FOCAD: variants seen among roughly 807,000 people sequenced by gnomAD.
FOCAD encodes the protein KIAA1797.
FOCAD carries 198 observed loss-of-function variants against 225.6 expected under a neutral mutation model. The ratio of observed to expected loss-of-function variants is 0.88; its 90% CI spans 0.78 to 0.99. The LOEUF is 0.99. FOCAD is among the 50% of genes least tolerant of loss of function. The probability of loss-of-function intolerance (pLI) is 0.00; values close to 1 mark genes in which losing one functional copy is unlikely to be tolerated. For missense variants in FOCAD, 2,713 were observed against 2,123.6 expected, an observed-to-expected ratio of 1.28 and a Z score of -5.46; for synonymous variants, 897 against 755.0, an observed-to-expected ratio of 1.19 and a Z score of -3.08.
At chr9:20,933,717 G>A (rs1428091041) in intron 28 of FOCAD, among the ~76,000 whole-genome samples, 2 of 152,076 alleles carry the variant, frequency 1.3e-5, no homozygotes, top group Non-Finnish European at 2.9e-5. Flanking sequence ...TTCTTTTCCT[G>A]TGAGTACATA....
At chr9:20,908,588 A>G (rs765955434) in intron 22 of FOCAD, among the ~76,000 whole-genome samples, 2 of 152,036 alleles carry the variant, frequency 1.3e-5, no homozygotes, top group Admixed American at 1.3e-4. Flanking sequence ...CATTTTAAAG[A>G]TGTTCCTTTG....
chr9:20,911,267 T>G lies in FOCAD; in HGVS notation c.2719-1599T>G, dbSNP rs574454663. On this transcript the variant is annotated intron_variant, in intron 22 of 43. Coordinates refer to ENST00000338382, the MANE Select transcript of FOCAD (RefSeq NM_001375567.1). ...ATTGATATGATTGAAGCAAATGAAC[T>G]ATGAAGGATGTGAATACAGTGTCCG... Among the ~76,000 whole-genome samples, 4 of 152,160 alleles carry G rather than the reference T, an allele frequency of 2.6e-5. No individual in the cohort carries two copies. In the South Asian group the frequency reaches 8.3e-4, roughly 32 times the overall value.
At chr9:20,693,374 C>T (rs1203324938) in intron 1 of FOCAD, among the ~76,000 whole-genome samples, 1 of 152,172 alleles carries the variant, frequency 6.6e-6, no homozygotes, top group Non-Finnish European at 1.5e-5. Context: ...ATAGAAACCT[C>T]TCTCTCTAAT....
intron 2 of FOCAD, among the ~76,000 whole-genome samples, chr9:20,667,755 G>A (rs1438639844): frequency 5.9e-5 from 9 of 151,942 alleles, no homozygotes; most frequent in Admixed American, 5.2e-4. Flanking sequence ...ATTATGCGTG[G>A]AAAACCTTGG....
intron 15 of FOCAD, among the ~76,000 whole-genome samples, chr9:20,859,194 G>T (rs1213061151): frequency 6.6e-6 from 1 of 152,084 alleles, no homozygotes; most frequent in East Asian, 1.9e-4. Flanking sequence ...GACTAACATG[G>T]TGAAACCCCG....
At chr9:20,949,279 G>A (rs940939345) in intron 32 of FOCAD, among the ~76,000 whole-genome samples, 1 of 151,742 alleles carries the variant, frequency 6.6e-6, no homozygotes, top group African/African-American at 2.4e-5. Flanking sequence ...TGTCTATGTG[G>A]TTGTTCTTTA....
chr9:20,886,318 G>C (rs1831100454), intron 21 of FOCAD, among the ~76,000 whole-genome samples: 1 of 152,134 alleles, frequency 6.6e-6, no homozygotes, highest in Non-Finnish European at 1.5e-5. Context: ...TCAGACATAG[G>C]TGATTTCTAT....
chr9:20,700,603 G>T (rs1053534012), intron 1 of FOCAD, among the ~76,000 whole-genome samples: 2 of 150,958 alleles, frequency 1.3e-5, no homozygotes, highest in Non-Finnish European at 3.0e-5. Context: ...AAATGTGTTG[G>T]TTACTAAATT....
intron 4 of FOCAD, among the ~76,000 whole-genome samples, chr9:20,732,522 G>A (rs1826798463): frequency 6.6e-6 from 1 of 152,194 alleles, no homozygotes. Flanking sequence ...GTGGGATTCA[G>A]ACAGTGCAGC....
chr9:20,741,798 G>C (rs1189715212), intron 5 of FOCAD, among the ~76,000 whole-genome samples: 6 of 145,874 alleles, frequency 4.1e-5, no homozygotes, highest in Non-Finnish European at 9.0e-5. Context: ...TAATATTTCT[G>C]AATAAACATC....
At chr9:20,888,013 T>C (rs1423520510) in intron 21 of FOCAD, among the ~76,000 whole-genome samples, 2 of 152,004 alleles carry the variant, frequency 1.3e-5, no homozygotes, top group African/African-American at 4.8e-5. Flanking sequence ...TTTGCTCTGA[T>C]CTTCTGCCCA....
At chr9:20,771,340 A>T (rs1232661018) in intron 8 of FOCAD, among the ~76,000 whole-genome samples, 1 of 152,196 alleles carries the variant, frequency 6.6e-6, no homozygotes, top group Admixed American at 6.5e-5. Flanking sequence ...TCATTTTTTA[A>T]TGTGTGGAAG....
chr9:20,992,973 AC>A (rs940870643), intron 42 of FOCAD, among the ~76,000 whole-genome samples: 1 of 151,128 alleles, frequency 6.6e-6, no homozygotes, highest in African/African-American at 2.4e-5. Context: ...AAAAAAAAAA[AC>A]TCCTGTATCA....
In FOCAD at chr9:20,840,507, TTTA is replaced by T. The variant is rs1410512392; in HGVS notation, c.1920+17400_1920+17402del. 2.6e-5 allele frequency among the ~76,000 whole-genome samples: 4 copies of T among 151,678 alleles called. No individual in the cohort carries two copies. The South Asian group carries it at 6.2e-4, about 24-fold the overall frequency. Reference sequence around the variant, plus strand: ...TTAAGTTTATACTTAGGTATTTTATTTTATTATTATAAGTATTTTAAGTGGAAT... The same window carrying T: ...TTAAGTTTATACTTAGGTATTTTATTTTATTATAAGTATTTTAAGTGGAAT... On this transcript the variant is annotated intron_variant, in intron 15 of 43. Coordinates refer to ENST00000338382, the MANE Select transcript of FOCAD (RefSeq NM_001375567.1).
In FOCAD at chr9:20,703,337, G is replaced by C. The variant is rs553131807; in HGVS notation, c.-32-11985G>C. 5.3e-5 allele frequency among the ~76,000 whole-genome samples: 8 copies of C among 152,166 alleles called. No individual in the cohort carries two copies. In the East Asian group the frequency reaches 1.5e-3, roughly 29 times the overall value. On this transcript the variant is annotated intron_variant, in intron 1 of 43. Transcript: ENST00000338382. ...GAAGGAGCTGAGGGTGTGGTTGTCG[G>C]GGTGGTTTAAGGAAGAAACTGAAGG...
At position 20,740,241 on chromosome 9, in the gene FOCAD, C is replaced by G. The variant is rs763695960; in HGVS notation, c.293C>G (p.Thr98Arg). 1.3e-6 allele frequency: 2 copies of G among 1,592,480 alleles called. No individual in the cohort carries two copies. Among genetic ancestry groups the G allele is most frequent in the Non-Finnish European group, 1.7e-6 (2 of 1,164,738 alleles). The stretch of plus-strand genomic sequence containing the variant: ...CATGCTATATTTCTTTGCAGAAATA[C>G]ACATGGCTTGATAAAAGCCATTATG... Reference protein sequence around the residue: ...ILNLIPSTRNTHGLIKAIMHL... With the variant: ...ILNLIPSTRNRHGLIKAIMHL... Residue 98 changes from threonine (T) to arginine (R), a missense_variant, in exon 5 of 44, where the codon ACA becomes AGA. By Grantham distance (71) the Thr-to-Arg change is moderately conservative. Coordinates refer to ENST00000338382, the MANE Select transcript of FOCAD (RefSeq NM_001375567.1).
At chr9:20,777,474 T>C (rs1466610563) in intron 8 of FOCAD, among the ~76,000 whole-genome samples, 1 of 152,114 alleles carries the variant, frequency 6.6e-6, no homozygotes, top group African/African-American at 2.4e-5. Flanking sequence ...TCTCTTGTGT[T>C]TTATTAATAT....
In FOCAD at chr9:20,907,136, C is replaced by T. The variant is rs1326470461; in HGVS notation, c.2626-14C>T. The T allele has an allele frequency of 1.2e-6, 2 of 1,600,950 alleles. No individual in the cohort carries two copies. The highest frequency in any genetic ancestry group is 1.3e-5 in the African/African-American group (1 of 74,608). ...CTGTGTAGCCTAATATGTTGTGGTA[C>T]ATTTTTCCCATAGGTTCATATCCAG... On this transcript the variant is annotated splice_polypyrimidine_tract_variant and intron_variant, in intron 21 of 43. Coordinates refer to ENST00000338382, the MANE Select transcript of FOCAD (RefSeq NM_001375567.1).
intron 11 of FOCAD, among the ~76,000 whole-genome samples, chr9:20,804,674 T>C (rs1822218877): frequency 6.6e-6 from 1 of 152,170 alleles, no homozygotes; most frequent in South Asian, 2.1e-4. Flanking sequence ...AATCGCCTGA[T>C]TGAGAGGTCA....
Sources: gnomAD v4.1 joint callset for allele counts (sites outside exome capture counted in the v4.1 genomes callset) on GRCh38, gnomAD v4.1.1 for gene constraint, MANE v1.5 for transcripts, NCBI Gene and HGNC (gene_info 2026-07-23, HGNC 2026-07-21) for gene names.